The following INVS variants were observed in gnomAD, a reference collection of about 807,000 sequenced individuals.
The protein encoded by INVS is inversion of embryo turning homolog.
A neutral mutation model predicts 108.8 loss-of-function variants in INVS; 86 were observed. The observed-to-expected ratio is 0.79, with a 90% CI of 0.66 to 0.95. The LOEUF (loss-of-function observed/expected upper bound fraction) is 0.95, where lower values mean the gene tolerates loss of function less well. Ranked by LOEUF, INVS falls within the 40% of genes least tolerant of loss-of-function variation. The probability of loss-of-function intolerance (pLI) is 0.00; values close to 1 mark genes in which losing one functional copy is unlikely to be tolerated. For synonymous variants in INVS, 455 were observed against 473.5 expected, an observed-to-expected ratio of 0.96 and a Z score of 0.51; for missense variants, 1,169 against 1,297.4, an observed-to-expected ratio of 0.90 and a Z score of 1.52.
intron 14 of INVS, among the ~76,000 whole-genome samples, chr9:100,295,711 G>T (rs1316326008): frequency 6.6e-6 from 1 of 152,126 alleles, no homozygotes; most frequent in African/African-American, 2.4e-5. Context: ...CAAGTAAGAT[G>T]ACTATTTTAA....
At chr9:100,285,792 C>T (rs1833422392) in intron 13 of INVS, among the ~76,000 whole-genome samples, 1 of 152,186 alleles carries the variant, frequency 6.6e-6, no homozygotes, top group Non-Finnish European at 1.5e-5. Flanking sequence ...CATAGATACC[C>T]TCTGCCTAGC....
Position 100,104,553 on chromosome 9 carries a change from G to C in INVS, c.32G>C (p.Gly11Ala). 1 of 1,614,106 alleles carries C rather than the reference G, an allele frequency of 6.2e-7. No homozygotes were observed. The highest frequency in any genetic ancestry group is 8.5e-7 in the Non-Finnish European group (1 of 1,179,978). Residue 11 changes from glycine (G) to alanine (A), a missense_variant, in exon 2 of 17, where the codon GGT (glycine) becomes GCT (alanine). Coordinates refer to ENST00000262457, the MANE Select transcript of INVS (RefSeq NM_014425.5). ...AAGTCAGAGAACCTGCTGTTTGCTG[G>C]TTCATCATTAGCATCACAAGTCCAT... The part of the protein sequence containing the change: MNKSENLLFA[G>A]SSLASQVHAA...
chr9:100,129,831 A>G (rs1828005038), intron 3 of INVS: 2 of 473,180 alleles, frequency 4.2e-6, no homozygotes, highest in East Asian at 3.2e-5. Context: ...AGGAAGCAGC[A>G]GCCTTACCAG....
intron 2 of INVS, chr9:100,116,948 C>G: frequency 6.5e-7 from 1 of 1,543,630 alleles, no homozygotes; most frequent in South Asian, 1.1e-5. Flanking sequence ...GGTGGCATTG[C>G]AGCCCCGGGC....
At chr9:100,157,925 A>G (rs1829055109) in intron 3 of INVS, among the ~76,000 whole-genome samples, 1 of 152,170 alleles carries the variant, frequency 6.6e-6, no homozygotes, top group African/African-American at 2.4e-5. Context: ...CTCCTTTTAA[A>G]TGTTTCTAAT....
At chr9:100,267,990 C>A (rs1305601591) in intron 11 of INVS, among the ~76,000 whole-genome samples, 1 of 152,048 alleles carries the variant, frequency 6.6e-6, no homozygotes, top group Non-Finnish European at 1.5e-5. Context: ...CTGATGAATA[C>A]TTAAACACAT....
intron 14 of INVS, among the ~76,000 whole-genome samples, chr9:100,293,896 C>T (rs1465423452): frequency 6.6e-6 from 1 of 152,196 alleles, no homozygotes; most frequent in African/African-American, 2.4e-5. Context: ...GGCAGAGTGG[C>T]TTACACCTGT....
intron 5 of INVS, among the ~76,000 whole-genome samples, chr9:100,231,293 A>G (rs1831504951): frequency 6.6e-6 from 1 of 151,816 alleles, no homozygotes. Flanking sequence ...TTAGCTCTGC[A>G]TTTTTTTTGT....
chr9:100,169,213 T>C (rs2119034297), intron 3 of INVS, among the ~76,000 whole-genome samples: 1 of 152,342 alleles, frequency 6.6e-6, no homozygotes, highest in South Asian at 2.1e-4. Flanking sequence ...ATTGGCTAAA[T>C]TACTTCTTCA....
At chr9:100,244,170 G>A (rs1831970245) in intron 7 of INVS, among the ~76,000 whole-genome samples, 1 of 151,966 alleles carries the variant, frequency 6.6e-6, no homozygotes, top group African/African-American at 2.4e-5. Context: ...TATAATCCTT[G>A]CTTCTTGTAT....
At chr9:100,219,945 C>T (rs1831095794) in intron 3 of INVS, among the ~76,000 whole-genome samples, 1 of 151,848 alleles carries the variant, frequency 6.6e-6, no homozygotes, top group African/African-American at 2.4e-5. Flanking sequence ...GAATGATAAA[C>T]ACCCAATTCA....
intron 5 of INVS, among the ~76,000 whole-genome samples, chr9:100,233,430 G>T (rs1223802330): frequency 1.3e-5 from 2 of 152,070 alleles, no homozygotes; most frequent in Non-Finnish European, 2.9e-5. Context: ...GGTGAGAGAG[G>T]GTATCCTTGT....
At chr9:100,123,560 AC>A (rs1827789957) in intron 2 of INVS, among the ~76,000 whole-genome samples, 1 of 152,198 alleles carries the variant, frequency 6.6e-6, no homozygotes, top group African/African-American at 2.4e-5. Flanking sequence ...CATGAATAAT[AC>A]TGCAATGGAT....
chr9:100,200,833 C>T (rs1308055917), intron 3 of INVS, among the ~76,000 whole-genome samples: 2 of 152,132 alleles, frequency 1.3e-5, no homozygotes, highest in East Asian at 1.9e-4. Context: ...TCTTTTATTC[C>T]ATCATTTTAA....
At chr9:100,193,724 G>A (rs183217291) in intron 3 of INVS, among the ~76,000 whole-genome samples, 3 of 152,184 alleles carry the variant, frequency 2.0e-5, no homozygotes, top group African/African-American at 7.2e-5. Context: ...CTTTCACTCA[G>A]TATAATTATT....
intron 10 of INVS, among the ~76,000 whole-genome samples, chr9:100,260,186 C>CTTTTTTTTTTTTTTTTTT (rs372496395): frequency 9.9e-6 from 1 of 101,502 alleles, no homozygotes; most frequent in Non-Finnish European, 2.0e-5. Context: ...ATTTTCTTTT[C>CTTTTTTTTTTTTTTTTTT]TTTTTTTTTT....
At chr9:100,252,242 GT>G (rs1296500215) in intron 8 of INVS, 40 bp from the exon 9 acceptor site, 31 of 1,600,848 alleles carry the variant, frequency 1.9e-5, no homozygotes, top group Non-Finnish European at 2.6e-5. Context: ...AGGTGAAGTT[GT>G]TATTGACTAG....
chr9:100,228,969 T>C (rs1257993730), intron 4 of INVS, among the ~76,000 whole-genome samples: 1 of 152,206 alleles, frequency 6.6e-6, no homozygotes, highest in Non-Finnish European at 1.5e-5. Context: ...CCCACAAATT[T>C]AGTACTTTTT....
rs759684253 is a variant in INVS, at chr9:100,240,102, G to A, written c.658G>A (p.Glu220Lys). The change falls in exon 6 of 17, where the codon GAG becomes AAG. Residue 220 changes from glutamate to lysine, a missense_variant. Transcript: ENST00000262457. Reference sequence around the variant, plus strand: ...GTCTTTACTGAACTGGCAAGACTACGAGGGTCGAACTCCTCTTCACTTTGC... The same window carrying A: ...GTCTTTACTGAACTGGCAAGACTACAAGGGTCGAACTCCTCTTCACTTTGC... ...TESLLNWQDY[E>K]GRTPLHFAVA... The A allele has an allele frequency of 2.5e-5, 40 of 1,614,038 alleles. No individual in the cohort carries two copies. The highest frequency in any genetic ancestry group is 3.2e-5 in the Non-Finnish European group (38 of 1,180,024).
Sources: gnomAD v4.1 joint callset for allele counts (sites outside exome capture counted in the v4.1 genomes callset) on GRCh38, gnomAD v4.1.1 for gene constraint, MANE v1.5 for transcripts, NCBI Gene and HGNC (gene_info 2026-07-23, HGNC 2026-07-21) for gene names.